DGKI: variants seen among roughly 807,000 people sequenced by gnomAD.
DGKI encodes the protein DAG kinase iota.
DGKI carries 55 observed loss-of-function variants against 147.5 expected under a neutral mutation model. The ratio of observed to expected loss-of-function variants is 0.37; its 90% confidence interval spans 0.30 to 0.47. DGKI has a LOEUF of 0.47. Among genes scored for constraint, DGKI ranks in the 20% least tolerant of loss-of-function variants. DGKI has a pLI of 1.00. For synonymous variants in DGKI, 469 were observed against 477.1 expected (o/e 0.98, Z 0.22); for missense variants, 1,007 against 1,323.8 (o/e 0.76, Z 3.71).
At chr7:137,712,714 A>G (rs992166770) in intron 1 of DGKI, among the ~76,000 whole-genome samples, 2 of 152,218 alleles carry the variant, frequency 1.3e-5, no homozygotes, top group Non-Finnish European at 2.9e-5. Context: ...AATAGTCGTC[A>G]TATTTTGAGG....
chr7:137,631,099 C>T (rs1377657708), intron 6 of DGKI, among the ~76,000 whole-genome samples: 1 of 152,100 alleles, frequency 6.6e-6, no homozygotes, highest in Non-Finnish European at 1.5e-5. Context: ...TATAATCTTG[C>T]CGATGGTGTG....
chr7:137,469,629 G>T lies in DGKI; in HGVS notation c.2374-10C>A. 6.2e-7 allele frequency: 1 copy of T among 1,613,410 alleles called. No homozygotes were observed. The highest frequency in any genetic ancestry group is 1.1e-5 in the South Asian group (1 of 91,006). On this transcript the variant is annotated splice_polypyrimidine_tract_variant and intron_variant, in intron 23 of 32. Coordinates refer to ENST00000614521, the MANE Select transcript of DGKI (RefSeq NM_001321708.2). Reference sequence around the variant, plus strand: ...AGGAGGTTTCATGGTCCTGGAAAGAGACACACACACTCTAGTGGCTGCATT... The same window carrying T: ...AGGAGGTTTCATGGTCCTGGAAAGATACACACACACTCTAGTGGCTGCATT...
chr7:137,383,033 T>C lies in DGKI; in HGVS notation c.*8187A>G, dbSNP rs1271543814. 1 of 151,918 alleles carries C rather than the reference T, an allele frequency of 6.6e-6. No individual in the cohort carries two copies. The highest frequency in any genetic ancestry group is 2.4e-5 in the African/African-American group (1 of 41,422). 9.4% of individuals were successfully genotyped at this position (151,918 alleles called of 1,614,324 possible). A position where few individuals can be genotyped will look rare whatever the true frequency, so the allele number is the denominator to read the frequency against. ...TAGAAAGTGCCTCCATGCCTCTGTA[T>C]TGGCAGAGGATATAGAATTTCCCAC... is the stretch of plus-strand genomic sequence containing the variant. On this transcript the variant is annotated 3_prime_UTR_variant, in exon 33 of 33. Coordinates refer to ENST00000614521, the MANE Select transcript of DGKI (RefSeq NM_001321708.2).
At chr7:137,521,008 T>C (rs567608403) in intron 21 of DGKI, among the ~76,000 whole-genome samples, 18 of 152,238 alleles carry the variant, frequency 1.2e-4, no homozygotes, top group Admixed American at 9.8e-4. Flanking sequence ...CATTTCTTTA[T>C]ATCAGCATCA....
intron 21 of DGKI, among the ~76,000 whole-genome samples, chr7:137,489,318 G>T (rs1815678538): frequency 6.6e-6 from 1 of 152,172 alleles, no homozygotes; most frequent in Admixed American, 6.6e-5. Flanking sequence ...CACCTGTCCA[G>T]GGTAGACAAG....
intron 1 of DGKI, among the ~76,000 whole-genome samples, chr7:137,824,477 C>G (rs973709257): frequency 6.9e-6 from 1 of 144,622 alleles, no homozygotes; most frequent in African/African-American, 2.6e-5. Context: ...GATTGTGCCA[C>G]TGCACTCCAG....
chr7:137,762,757 A>G (rs1795899321), intron 1 of DGKI, among the ~76,000 whole-genome samples: 1 of 152,190 alleles, frequency 6.6e-6, no homozygotes, highest in Admixed American at 6.5e-5. Flanking sequence ...GTGTGCTCCT[A>G]TAGCATCCGG....
At chr7:137,515,195 T>C (rs1048507258) in intron 21 of DGKI, among the ~76,000 whole-genome samples, 2 of 152,206 alleles carry the variant, frequency 1.3e-5, no homozygotes, top group Admixed American at 1.3e-4. Context: ...ATGTCACTTC[T>C]TCAGAAAGTC....
chr7:137,749,809 T>A (rs974775674), intron 1 of DGKI, among the ~76,000 whole-genome samples: 1 of 151,978 alleles, frequency 6.6e-6, no homozygotes, highest in African/African-American at 2.4e-5. Context: ...CATCCCTAAA[T>A]GGTGCTCAAT....
At chr7:137,604,066 T>A (rs1180120133) in intron 10 of DGKI, among the ~76,000 whole-genome samples, 1 of 152,132 alleles carries the variant, frequency 6.6e-6, no homozygotes, top group Non-Finnish European at 1.5e-5. Flanking sequence ...CTAGTTTGGG[T>A]CTTAGCTGCC....
chr7:137,700,270 A>G (rs1340884827), intron 1 of DGKI, among the ~76,000 whole-genome samples: 1 of 152,216 alleles, frequency 6.6e-6, no homozygotes, highest in Non-Finnish European at 1.5e-5. Flanking sequence ...TTAAAAGTAG[A>G]GCTGGGGAAC....
In DGKI at chr7:137,391,122, T is replaced by C. The variant is rs1296544791; in HGVS notation, c.*98A>G. The C allele has an allele frequency of 4.4e-6, 4 of 916,270 alleles. No homozygotes were observed. Among genetic ancestry groups the C allele is most frequent in the Non-Finnish European group, 7.3e-6 (4 of 549,218 alleles). 56.8% of individuals were successfully genotyped at this position (916,270 alleles called of 1,614,324 possible). ...TAGATTCTTGCAGGAGAGAGACAGA[T>C]ATATGAATTCCATCAGCTTCTTCCA... is the stretch of plus-strand genomic sequence containing the variant. On this transcript the variant is annotated 3_prime_UTR_variant, in exon 33 of 33. Coordinates refer to ENST00000614521, the MANE Select transcript of DGKI (RefSeq NM_001321708.2).
At chr7:137,430,360 C>T (rs1047798338) in intron 28 of DGKI, among the ~76,000 whole-genome samples, 1 of 142,270 alleles carries the variant, frequency 7.0e-6, no homozygotes, top group Admixed American at 7.8e-5. Context: ...ACAATGAGAA[C>T]ACATGGACAC....
Position 137,789,155 on chromosome 7 carries a change from T to G in DGKI, c.401+57307A>C, listed in dbSNP as rs560413635. On this transcript the variant is annotated intron_variant, in intron 1 of 32. Transcript: ENST00000614521. Reference sequence around the variant, plus strand: ...AAAAGAGTAGGTAGAAAACTGGGTATCCCCACAAAGGGAGCTGATAAAGGA... The same window carrying G: ...AAAAGAGTAGGTAGAAAACTGGGTAGCCCCACAAAGGGAGCTGATAAAGGA... Among the ~76,000 whole-genome samples the G allele has an allele frequency of 2.6e-5, 4 of 152,208 alleles. No homozygotes were observed. The South Asian group carries it at 8.3e-4, about 32-fold the overall frequency.
intron 1 of DGKI, among the ~76,000 whole-genome samples, chr7:137,744,545 A>G (rs1451362226): frequency 6.6e-6 from 1 of 152,186 alleles, no homozygotes; most frequent in Non-Finnish European, 1.5e-5. Context: ...TCATTCTACA[A>G]AACCAGTATC....
At chr7:137,431,484 T>C (rs1813069820) in intron 28 of DGKI, among the ~76,000 whole-genome samples, 1 of 152,148 alleles carries the variant, frequency 6.6e-6, no homozygotes, top group African/African-American at 2.4e-5. Context: ...TTTATACACT[T>C]GCAAAGTGGA....
At chr7:137,636,764 G>A (rs1821326677) in intron 6 of DGKI, among the ~76,000 whole-genome samples, 1 of 152,208 alleles carries the variant, frequency 6.6e-6, no homozygotes, top group Non-Finnish European at 1.5e-5. Flanking sequence ...CCTATGAGTG[G>A]CTTGGTGCTG....
At chr7:137,844,388 T>C (rs1798648965) in intron 1 of DGKI, among the ~76,000 whole-genome samples, 1 of 152,040 alleles carries the variant, frequency 6.6e-6, no homozygotes, top group East Asian at 1.9e-4. Flanking sequence ...GGGGGCAAAA[T>C]AGGGTGGCAA....
At chr7:137,598,415 C>T (rs773326558) in intron 11 of DGKI, among the ~76,000 whole-genome samples, 40 of 152,148 alleles carry the variant, frequency 2.6e-4, no homozygotes, top group Non-Finnish European at 5.0e-4. Context: ...GGGAGGCTTC[C>T]GCACTCTCAG....
Sources: gnomAD v4.1 joint callset for allele counts (sites outside exome capture counted in the v4.1 genomes callset) on GRCh38, gnomAD v4.1.1 for gene constraint, MANE v1.5 for transcripts, NCBI Gene and HGNC (gene_info 2026-07-23, HGNC 2026-07-21) for gene names.